Variants in AP4S1 observed in about 807,000 individuals in gnomAD.
The protein encoded by AP4S1 is adaptor related protein complex 4 subunit sigma 1.
Under a neutral mutation model 19.8 loss-of-function variants are expected in AP4S1, and 23 were observed. The ratio of observed to expected loss-of-function variants is 1.16; its 90% CI spans 0.84 to 1.65. The LOEUF is 1.65. AP4S1 is among the 40% of genes most tolerant of loss of function. The pLI is 0.00. For synonymous variants in AP4S1, 46 were observed against 54.1 expected (o/e 0.85, Z 0.66); for missense variants, 166 against 172.8 (o/e 0.96, Z 0.22).
chr14:31,054,048 GA>G (rs1885963282), intron 1 of AP4S1, among the ~76,000 whole-genome samples: 2 of 152,074 alleles, frequency 1.3e-5, no homozygotes, highest in Admixed American at 1.3e-4. Flanking sequence ...TTTTTTAAAG[GA>G]AAAGTTATTG....
intron 1 of AP4S1, among the ~76,000 whole-genome samples, chr14:31,065,659 A>T (rs981488632): frequency 6.6e-6 from 1 of 151,900 alleles, no homozygotes. Flanking sequence ...ATTTTATTTT[A>T]TTTATTTATG....
At chr14:31,044,538 G>A (rs896821194) in intron 1 of AP4S1, among the ~76,000 whole-genome samples, 12 of 151,374 alleles carry the variant, frequency 7.9e-5, no homozygotes, top group Admixed American at 5.9e-4. Flanking sequence ...AATAGAGACA[G>A]GGTCTTGCTA....
intron 5 of AP4S1, among the ~76,000 whole-genome samples, chr14:31,087,755 G>A (rs923908761): frequency 1.3e-5 from 2 of 152,102 alleles, no homozygotes; most frequent in Admixed American, 6.6e-5. Context: ...TGGTGTTGTC[G>A]AAGCTTTTTT....
At chr14:31,075,067 T>C (rs1887281019) in intron 4 of AP4S1, among the ~76,000 whole-genome samples, 1 of 152,188 alleles carries the variant, frequency 6.6e-6, no homozygotes, top group Admixed American at 6.6e-5. Context: ...TTTTGAAATA[T>C]ACAATAGATT....
intron 1 of AP4S1, among the ~76,000 whole-genome samples, chr14:31,036,120 T>G (rs1204291385): frequency 1.3e-5 from 2 of 151,768 alleles, no homozygotes; most frequent in African/African-American, 4.8e-5. Flanking sequence ...CCTCCATATT[T>G]TCTATTTTTA....
At chr14:31,049,274 C>T (rs1481822938) in intron 1 of AP4S1, among the ~76,000 whole-genome samples, 44 of 150,544 alleles carry the variant, frequency 2.9e-4, no homozygotes, top group Admixed American at 2.8e-3. Context: ...ATTAGCCAGG[C>T]GTGGTGGCGG....
At chr14:31,090,818 A>T (rs1400077868) in intron 5 of AP4S1, among the ~76,000 whole-genome samples, 1 of 152,262 alleles carries the variant, frequency 6.6e-6, no homozygotes, top group Non-Finnish European at 1.5e-5. Flanking sequence ...ACAAGATTCC[A>T]GGGGGAAATC....
At chr14:31,044,005 A>G (rs1885254762) in intron 1 of AP4S1, among the ~76,000 whole-genome samples, 2 of 152,234 alleles carry the variant, frequency 1.3e-5, no homozygotes, top group Non-Finnish European at 2.9e-5. Flanking sequence ...TAAATGAAAC[A>G]GTAGCTTAAT....
intron 1 of AP4S1, among the ~76,000 whole-genome samples, chr14:31,058,744 T>G (rs946490965): frequency 1.3e-5 from 2 of 151,242 alleles, no homozygotes; most frequent in Non-Finnish European, 2.9e-5. Flanking sequence ...TTTTTTTTTT[T>G]CCTTTTTTTT....
At chr14:31,076,868 C>T (rs906372211) in intron 4 of AP4S1, among the ~76,000 whole-genome samples, 1 of 152,180 alleles carries the variant, frequency 6.6e-6, no homozygotes, top group Admixed American at 6.6e-5. Context: ...ACTTTGGTAC[C>T]ATAGGCCTTC....
intron 5 of AP4S1, among the ~76,000 whole-genome samples, chr14:31,086,643 C>T (rs943613404): frequency 2.0e-5 from 3 of 151,942 alleles, no homozygotes; most frequent in Non-Finnish European, 4.4e-5. Context: ...TTCCAACTTC[C>T]GACTTCAGGT....
chr14:31,072,678 A>C (rs191299441), intron 3 of AP4S1, among the ~76,000 whole-genome samples: 1 of 152,194 alleles, frequency 6.6e-6, no homozygotes, highest in Non-Finnish European at 1.5e-5. Flanking sequence ...GCCAAAAAAA[A>C]TCCTAGAAGT....
chr14:31,074,373 C>T (rs1887235933), intron 4 of AP4S1, among the ~76,000 whole-genome samples: 1 of 133,270 alleles, frequency 7.5e-6, no homozygotes, highest in African/African-American at 2.9e-5. Context: ...ATAAAGTAAG[C>T]TGGGCGCGGT....
intron 1 of AP4S1, among the ~76,000 whole-genome samples, chr14:31,063,393 C>T (rs554840396): frequency 6.6e-6 from 1 of 152,084 alleles, no homozygotes; most frequent in East Asian, 1.9e-4. Context: ...TCGACTGCAC[C>T]ATTGCACTCC....
chr14:31,042,268 C>T (rs1885153067), intron 1 of AP4S1, among the ~76,000 whole-genome samples: 1 of 152,184 alleles, frequency 6.6e-6, no homozygotes, highest in Non-Finnish European at 1.5e-5. Flanking sequence ...AAGCTTGGGT[C>T]TGCTTGCGAC....
At chr14:31,069,385 G>T (rs1032957011) in intron 2 of AP4S1, among the ~76,000 whole-genome samples, 40 of 152,190 alleles carry the variant, frequency 2.6e-4, no homozygotes, top group African/African-American at 9.4e-4. Flanking sequence ...ACCAATTTTT[G>T]TTTGTTTGTA....
At chr14:31,033,713 C>T (rs527521392) in intron 1 of AP4S1, among the ~76,000 whole-genome samples, 27 of 152,232 alleles carry the variant, frequency 1.8e-4, no homozygotes, top group African/African-American at 6.3e-4. Context: ...TTGACTTTGG[C>T]TAAGAAAATT....
intron 4 of AP4S1, among the ~76,000 whole-genome samples, chr14:31,075,887 G>A (rs2139082165): frequency 6.6e-6 from 1 of 152,084 alleles, no homozygotes; most frequent in South Asian, 2.1e-4. Flanking sequence ...TTACAGGCAT[G>A]CACCACCATG....
intron 5 of AP4S1, 185 bp downstream of exon 5, chr14:31,080,769 T>G (rs536394669): frequency 1.3e-6 from 1 of 790,990 alleles, no homozygotes; most frequent in East Asian, 2.5e-5. Flanking sequence ...TCACCCTGCT[T>G]CAACAAGGCG....
Sources: gnomAD v4.1 joint callset for allele counts (sites outside exome capture counted in the v4.1 genomes callset) on GRCh38, gnomAD v4.1.1 for gene constraint, MANE v1.5 for transcripts, NCBI Gene and HGNC (gene_info 2026-07-23, HGNC 2026-07-21) for gene names.